The following PLCZ1 variants were observed in gnomAD, a reference collection of about 807,000 sequenced individuals.
PLCZ1 encodes 1-phosphatidylinositol 4,5-bisphosphate phosphodiesterase zeta-1.
PLCZ1 carries 64 observed loss-of-function variants against 76.8 expected under a neutral mutation model. That is an observed-to-expected ratio of 0.83 (90% CI 0.68 to 1.03). The LOEUF is 1.03. Ranked by LOEUF, PLCZ1 falls within the 50% of genes least tolerant of loss-of-function variation. The pLI is 0.00. For missense variants in PLCZ1, 751 were observed against 713.7 expected (o/e 1.05, Z -0.60); for synonymous variants, 248 against 230.8 (o/e 1.07, Z -0.68).
chr12:18,716,944 CA>C (rs1214101419), intron 5 of PLCZ1, among the ~76,000 whole-genome samples: 1 of 151,944 alleles, frequency 6.6e-6, no homozygotes, highest in Non-Finnish European at 1.5e-5. Context: ...TCGAGATACA[CA>C]ATGGTTATAT....
intron 5 of PLCZ1, among the ~76,000 whole-genome samples, chr12:18,713,415 A>G (rs937062505): frequency 6.6e-6 from 1 of 152,206 alleles, no homozygotes; most frequent in African/African-American, 2.4e-5. Context: ...AAATATATTA[A>G]TAAAATCTTA....
At position 18,688,092 on chromosome 12, in the gene PLCZ1, T is replaced by G. The variant is rs762115617; in HGVS notation, c.1588A>C (p.Asn530His). 4 of 1,610,752 alleles carry G rather than the reference T, an allele frequency of 2.5e-6. No homozygotes were observed. The highest frequency in any genetic ancestry group is 1.7e-5 in the Admixed American group (1 of 59,886). The stretch of plus-strand genomic sequence containing the variant: ...ATAAGGTATATCAGGAGCTCACCAT[T>G]TTTTTTAATTACACGAGTCTGCTGC... ...MKQQTRVIKKNAFSPRWNETF... is the reference protein window; with the variant it reads ...MKQQTRVIKKHAFSPRWNETF... The change falls in exon 13 of 15, where the codon AAT becomes CAT. Residue 530 changes from asparagine to histidine, a missense_variant. By Grantham distance (68) the Asn-to-His change is moderately conservative. Coordinates refer to ENST00000266505, the MANE Select transcript of PLCZ1 (RefSeq NM_033123.4).
At chr12:18,650,738 A>ATC in the PLCZ1 span, among the ~76,000 whole-genome samples, 233 of 30,818 alleles carry the variant, frequency 7.6e-3, 3 homozygotes, top group Admixed American at 0.011. Flanking sequence ...ATATATATAT[A>ATC]TATATATATA....
the PLCZ1 span, among the ~76,000 whole-genome samples, chr12:18,650,364 T>A: frequency 7.0e-6 from 1 of 142,460 alleles, no homozygotes. Flanking sequence ...TGTGTGTGTG[T>A]GTGTGTGTGT....
chr12:18,680,832 G>A (rs1952340588), downstream of PLCZ1, among the ~76,000 whole-genome samples: 1 of 152,026 alleles, frequency 6.6e-6, no homozygotes, highest in Admixed American at 6.6e-5. Context: ...TTTCAAAAAA[G>A]TAGAGTTCTC....
chr12:18,653,067 G>A, the PLCZ1 span, among the ~76,000 whole-genome samples: 1 of 151,902 alleles, frequency 6.6e-6, no homozygotes, highest in Non-Finnish European at 1.5e-5. Context: ...CGAAACTTCT[G>A]CAAAAACTAA....
Position 18,723,413 on chromosome 12 carries a change from C to G in PLCZ1, c.265G>C (p.Ala89Pro), listed in dbSNP as rs201528465. 1.3e-4 allele frequency: 216 copies of G among 1,612,982 alleles called. No homozygotes were observed. The highest frequency in any genetic ancestry group is 5.2e-4 in the South Asian group (47 of 91,058). The change falls in exon 4 of 15, where the codon GCA (alanine) becomes CCA (proline). Residue 89 changes from alanine to proline, a missense_variant. Coordinates refer to ENST00000266505, the MANE Select transcript of PLCZ1 (RefSeq NM_033123.4). ...TYSENRKILL[A>P]SNLAQFLTQE... is the part of the protein sequence containing the mutation. ...GTCAGAAATTGAGCCAGATTACTTG[C>G]TAAAAGAATTTTCCGGTTTTCAGAA...
intron 1 of PLCZ1, 184 bp downstream of exon 1, chr12:18,737,748 C>T (rs1959560425): frequency 2.6e-6 from 1 of 386,422 alleles, no homozygotes; most frequent in East Asian, 5.7e-5. Flanking sequence ...TTTTTTACTA[C>T]TTTGTTTAAA....
At chr12:18,723,219 C>A (rs1056131854) in intron 4 of PLCZ1, 92 bp downstream of exon 4, 3 of 1,147,508 alleles carry the variant, frequency 2.6e-6, no homozygotes, top group Non-Finnish European at 3.7e-6. Context: ...AACCACAATT[C>A]ATAAAAATAC....
At chr12:18,651,181 G>A in the PLCZ1 span, among the ~76,000 whole-genome samples, 1 of 151,884 alleles carries the variant, frequency 6.6e-6, no homozygotes, top group Non-Finnish European at 1.5e-5. Flanking sequence ...CTCCAGGCAC[G>A]CTTCATCCCT....
chr12:18,700,510 T>TACAAAAA (rs1955736818), intron 9 of PLCZ1, among the ~76,000 whole-genome samples: 1 of 2,808 alleles, frequency 3.6e-4, no homozygotes, highest in Admixed American at 5.0e-3. Flanking sequence ...AGAGCCAACG[T>TACAAAAA]ACAAAAAAAA....
At chr12:18,692,909 T>A (rs1406047492) in intron 12 of PLCZ1, 1 of 1,598,302 alleles carries the variant, frequency 6.3e-7, no homozygotes, top group African/African-American at 1.3e-5. Flanking sequence ...AGGGACCAGA[T>A]GCTGCCAGCA....
chr12:18,675,131 T>C, the PLCZ1 span, among the ~76,000 whole-genome samples: 6 of 152,164 alleles, frequency 3.9e-5, no homozygotes, highest in African/African-American at 1.4e-4. Context: ...AATTTTAAAT[T>C]GTATTTGATT....
At chr12:18,680,857 G>T (rs990344788), downstream of PLCZ1, among the ~76,000 whole-genome samples, 21 of 152,028 alleles carry the variant, frequency 1.4e-4, no homozygotes, top group African/African-American at 4.6e-4. Flanking sequence ...GTATTTGGAT[G>T]TCGTCAAGAA....
rs763112497 is a variant in PLCZ1, at chr12:18,736,295, G to C, written c.61C>G (p.Leu21Val). Residue 21 changes from leucine to valine, a missense_variant, in exon 3 of 15, where the codon CTA becomes GTA. Leu to Val is a conservative substitution (Grantham distance 32). Transcript: ENST00000266505. Reference sequence around the variant, plus strand: ...TCAAGTAACCTCTGAGTTTTTTCTAGGTTAATTTTTCCACCTCTGAAGTCA... The same window carrying C: ...TCAAGTAACCTCTGAGTTTTTTCTACGTTAATTTTTCCACCTCTGAAGTCA... ...QDDFRGGKINLEKTQRLLEKL... is the reference protein window; with the variant it reads ...QDDFRGGKINVEKTQRLLEKL... 1 of 1,612,520 alleles carries C rather than the reference G, an allele frequency of 6.2e-7. No individual in the cohort carries two copies. The highest frequency in any genetic ancestry group is 1.7e-5 in the Admixed American group (1 of 59,940).
intron 3 of PLCZ1, among the ~76,000 whole-genome samples, chr12:18,723,905 A>C (rs1048488802): frequency 1.3e-5 from 2 of 152,098 alleles, no homozygotes; most frequent in Non-Finnish European, 2.9e-5. Context: ...CCTGGACCAT[A>C]TATGTCAGAG....
intron 13 of PLCZ1, among the ~76,000 whole-genome samples, chr12:18,685,830 T>TCACACACACACACGCG (rs1565647568): frequency 8.1e-6 from 1 of 123,168 alleles, no homozygotes; most frequent in African/African-American, 3.4e-5. Context: ...TCTCTCTCTG[T>TCACACACACACACGCG]CACACACACA....
Position 18,699,642 on chromosome 12 carries a change from C to G in PLCZ1, c.1174+152G>C, listed in dbSNP as rs765495668. On this transcript the variant is annotated intron_variant, in intron 10 of 14. Transcript: ENST00000266505. ...TTCCATGAAATAAAACTTAATGAGA[C>G]CTGAGGTATGTAACCCCATTCTAAA... The G allele has an allele frequency of 1.5e-4, 116 of 788,690 alleles. No individual in the cohort carries two copies. In the Middle Eastern group the frequency reaches 4.3e-3, roughly 29 times the overall value. 48.9% of individuals were successfully genotyped at this position (788,690 alleles called of 1,614,324 possible). A position where few individuals can be genotyped will look rare whatever the true frequency, so the allele number is the denominator to read the frequency against.
the PLCZ1 span, among the ~76,000 whole-genome samples, chr12:18,672,757 TC>T: frequency 6.6e-6 from 1 of 152,090 alleles, no homozygotes; most frequent in African/African-American, 2.4e-5. Context: ...AACTCTTCCC[TC>T]CCTTCAACCT....
Sources: gnomAD v4.1 joint callset for allele counts (sites outside exome capture counted in the v4.1 genomes callset) on GRCh38, gnomAD v4.1.1 for gene constraint, MANE v1.5 for transcripts, NCBI Gene and HGNC (gene_info 2026-07-23, HGNC 2026-07-21) for gene names.